Variants in CRISP1 observed in about 807,000 individuals in gnomAD.
CRISP1 encodes the protein cysteine-rich secretory protein 1.
CRISP1 carries 44 observed loss-of-function variants against 33.1 expected under a neutral mutation model. That is an observed-to-expected ratio of 1.33 (90% CI 1.05 to 1.71). CRISP1 has a LOEUF of 1.71. CRISP1 is among the 40% of genes most tolerant of loss of function. The pLI is 0.00. For synonymous variants in CRISP1, 103 were observed against 98.7 expected, an observed-to-expected ratio of 1.04 and a Z score of -0.26; for missense variants, 390 against 301.2, an observed-to-expected ratio of 1.29 and a Z score of -2.18.
At chr6:49,870,009 G>A (rs1477513395), upstream of CRISP1, among the ~76,000 whole-genome samples, 2 of 152,126 alleles carry the variant, frequency 1.3e-5, no homozygotes, top group African/African-American at 4.8e-5. Context: ...AAATCTAACA[G>A]CTCTTTGATC....
chr6:49,869,330 T>C (rs1453809660), upstream of CRISP1, among the ~76,000 whole-genome samples: 3 of 152,200 alleles, frequency 2.0e-5, no homozygotes, highest in African/African-American at 7.2e-5. Context: ...CTTCTGATTA[T>C]CCTTATAACT....
chr6:49,852,195 A>G, intron 2 of CRISP1, 66 bp from the exon 3 acceptor site: 1 of 1,509,952 alleles, frequency 6.6e-7, no homozygotes, highest in Non-Finnish European at 9.1e-7. Context: ...TATATTTTGC[A>G]GACCTATAGG....
At chr6:49,874,993 C>G (rs1377867705) in intron 1 of CRISP1, among the ~76,000 whole-genome samples, 3 of 151,980 alleles carry the variant, frequency 2.0e-5, no homozygotes, top group African/African-American at 7.2e-5. Context: ...TCCTTGAAAA[C>G]TGACACAAGA....
rs774148695 is a variant in CRISP1, at chr6:49,846,720, T to C, written c.287-52A>G. 46 of 1,552,008 alleles carry C rather than the reference T, an allele frequency of 3.0e-5. No homozygotes were observed. In the South Asian group the frequency reaches 3.5e-4, roughly 12 times the overall value. On this transcript the variant is annotated intron_variant, in intron 4 of 7. Transcript: ENST00000335847. ...TACTCTGAACAAATGGGAAATAGTA[T>C]ACAAGGAGACTTTCCTCATTTTTAT...
At chr6:49,855,098 T>C (rs1771456920) in intron 2 of CRISP1, among the ~76,000 whole-genome samples, 1 of 152,124 alleles carries the variant, frequency 6.6e-6, no homozygotes, top group African/African-American at 2.4e-5. Context: ...TTTCTTTTGG[T>C]GTAAGGAACA....
intron 2 of CRISP1, 114 bp from the exon 3 acceptor site, chr6:49,852,243 T>C (rs1397375349): frequency 9.5e-6 from 9 of 945,690 alleles, no homozygotes; most frequent in Non-Finnish European, 1.2e-5. Context: ...CAGTGATTTA[T>C]AGCATTTTTG....
chr6:49,867,349 C>T (rs1382851617), upstream of CRISP1, among the ~76,000 whole-genome samples: 2 of 151,858 alleles, frequency 1.3e-5, no homozygotes, highest in South Asian at 4.2e-4. Flanking sequence ...AGTGCATGGT[C>T]GCTTATATTG....
intron 4 of CRISP1, 73 bp downstream of exon 4, chr6:49,848,136 G>T: frequency 3.6e-6 from 3 of 834,476 alleles, no homozygotes; most frequent in South Asian, 1.8e-5. Flanking sequence ...TTTCATCAGG[G>T]TACATAACAA....
intron 1 of CRISP1, among the ~76,000 whole-genome samples, chr6:49,857,867 C>G (rs539030008): frequency 6.6e-6 from 1 of 152,262 alleles, no homozygotes; most frequent in South Asian, 2.1e-4. Flanking sequence ...ATACTCCAAG[C>G]TAAGGAATAT....
chr6:49,867,681 T>TA (rs1429164170), upstream of CRISP1, among the ~76,000 whole-genome samples: 1 of 152,052 alleles, frequency 6.6e-6, no homozygotes, highest in Non-Finnish European at 1.5e-5. Flanking sequence ...TAAACATCAC[T>TA]AAAAATTGCT....
At chr6:49,864,114 G>A (rs1261933823) in intron 1 of CRISP1, among the ~76,000 whole-genome samples, 1 of 151,974 alleles carries the variant, frequency 6.6e-6, no homozygotes, top group Non-Finnish European at 1.5e-5. Flanking sequence ...AGTTTTATCA[G>A]TTTTTAAACT....
chr6:49,869,567 T>G (rs1470056301), upstream of CRISP1, among the ~76,000 whole-genome samples: 1 of 152,166 alleles, frequency 6.6e-6, no homozygotes, highest in Non-Finnish European at 1.5e-5. Flanking sequence ...TAACCTCTTT[T>G]TAACTTTAAA....
intron 3 of CRISP1, among the ~76,000 whole-genome samples, chr6:49,850,919 C>A (rs1001348766): frequency 6.6e-5 from 10 of 152,002 alleles, no homozygotes; most frequent in Non-Finnish European, 1.0e-4. Flanking sequence ...TTAATCTGGG[C>A]CCCAGTCCTT....
intron 2 of CRISP1, among the ~76,000 whole-genome samples, chr6:49,852,990 A>C (rs1317682573): frequency 6.6e-6 from 1 of 152,112 alleles, no homozygotes; most frequent in Non-Finnish European, 1.5e-5. Context: ...GACCATCAGC[A>C]CAATTTATGA....
At chr6:49,859,142 G>T (rs1343408492) in intron 1 of CRISP1, among the ~76,000 whole-genome samples, 2 of 151,970 alleles carry the variant, frequency 1.3e-5, no homozygotes, top group Non-Finnish European at 2.9e-5. Flanking sequence ...CCAAAGAGTT[G>T]CCTGGAGCCT....
chr6:49,859,718 A>G (rs1345509340), intron 1 of CRISP1, among the ~76,000 whole-genome samples: 1 of 152,192 alleles, frequency 6.6e-6, no homozygotes, highest in Non-Finnish European at 1.5e-5. Flanking sequence ...AAAAGGAAAC[A>G]AAAAATATGC....
At chr6:49,838,630 C>A (rs1770883241) in intron 6 of CRISP1, 105 bp from the exon 7 acceptor site, 1 of 749,822 alleles carries the variant, frequency 1.3e-6, no homozygotes, top group Non-Finnish European at 2.2e-6. Flanking sequence ...TGTAAACATT[C>A]TTGTAAAGAA....
At chr6:49,873,912 T>C (rs1265734548) in intron 1 of CRISP1, among the ~76,000 whole-genome samples, 1 of 152,128 alleles carries the variant, frequency 6.6e-6, no homozygotes, top group East Asian at 1.9e-4. Flanking sequence ...GTTAAACTGA[T>C]AGACACAAGT....
chr6:49,856,000 T>C (rs575003364), intron 2 of CRISP1, among the ~76,000 whole-genome samples: 13 of 152,344 alleles, frequency 8.5e-5, no homozygotes, highest in Middle Eastern at 3.4e-3. Flanking sequence ...AAACTATCTA[T>C]AAAATGTATG....
Sources: gnomAD v4.1 joint callset for allele counts (sites outside exome capture counted in the v4.1 genomes callset) on GRCh38, gnomAD v4.1.1 for gene constraint, MANE v1.5 for transcripts, NCBI Gene and HGNC (gene_info 2026-07-23, HGNC 2026-07-21) for gene names.